The following CRTC1 variants were observed in gnomAD, a reference collection of about 807,000 sequenced individuals.
The protein encoded by CRTC1 is CREB-regulated transcription coactivator 1.
In CRTC1, 18 loss-of-function variants were observed where a neutral mutation model predicts 66.1. That is an observed-to-expected ratio of 0.27 (90% CI 0.19 to 0.40). CRTC1 has a LOEUF of 0.40. Among genes scored for constraint, CRTC1 ranks in the 10% least tolerant of loss-of-function variants. CRTC1 has a pLI of 1.00. For synonymous variants in CRTC1, 416 were observed against 398.8 expected (o/e 1.04, Z -0.51); for missense variants, 669 against 887.9 (o/e 0.75, Z 3.13).
chr19:18,775,265 C>T (rs746746822), intron 12 of CRTC1, among the ~76,000 whole-genome samples: 1 of 152,242 alleles, frequency 6.6e-6, no homozygotes, highest in Admixed American at 6.5e-5. Context: ...CAGCAAACGC[C>T]GGGCCAGACA....
At chr19:18,729,260 C>T (rs1163060972) in intron 1 of CRTC1, among the ~76,000 whole-genome samples, 1 of 150,336 alleles carries the variant, frequency 6.7e-6, no homozygotes, top group African/African-American at 2.4e-5. Context: ...CCTGTCTCTA[C>T]TAAAAATACA....
intron 1 of CRTC1, among the ~76,000 whole-genome samples, chr19:18,692,613 AAAAAG>A (rs2052870603): frequency 6.6e-6 from 1 of 151,568 alleles, no homozygotes; most frequent in African/African-American, 2.4e-5. Context: ...AAAAAAAAAA[AAAAAG>A]AAGTGGTTAG....
intron 1 of CRTC1, among the ~76,000 whole-genome samples, chr19:18,723,514 G>A (rs2053675025): frequency 6.6e-6 from 1 of 152,230 alleles, no homozygotes; most frequent in African/African-American, 2.4e-5. Context: ...GAGGTGCGGA[G>A]CCACGTGGTG....
At chr19:18,734,529 A>AG (rs944599123) in intron 1 of CRTC1, among the ~76,000 whole-genome samples, 10 of 151,098 alleles carry the variant, frequency 6.6e-5, no homozygotes, top group African/African-American at 2.4e-4. Context: ...ACAGAAAGAA[A>AG]AAAAAAAAAA....
chr19:18,778,138 G>A lies in CRTC1; in HGVS notation c.*756G>A, dbSNP rs2055036074. On this transcript the variant is annotated 3_prime_UTR_variant, in exon 14 of 14. Coordinates refer to ENST00000321949, the MANE Select transcript of CRTC1 (RefSeq NM_015321.3). ...ACCTTTGCCGGGAAGTGACCGGAAG[G>A]CCCCGTGAGGGGTCGAACGCGGAGG... The A allele has an allele frequency of 8.6e-6, 2 of 232,882 alleles. No individual in the cohort carries two copies. Among genetic ancestry groups the A allele is most frequent in the Non-Finnish European group, 1.7e-5 (2 of 117,946 alleles). 14.4% of individuals were successfully genotyped at this position (232,882 alleles called of 1,614,324 possible).
At chr19:18,702,539 T>C (rs2145541569) in intron 1 of CRTC1, among the ~76,000 whole-genome samples, 1 of 151,032 alleles carries the variant, frequency 6.6e-6, no homozygotes, top group South Asian at 2.1e-4. Flanking sequence ...TAGTCTTTTT[T>C]TTTTTTTTTT....
chr19:18,752,104 G>A (rs2054375614), intron 5 of CRTC1, among the ~76,000 whole-genome samples: 1 of 150,574 alleles, frequency 6.6e-6, no homozygotes, highest in African/African-American at 2.4e-5. Flanking sequence ...AGTGAGCCAA[G>A]GTGCCACTGC....
In CRTC1 at chr19:18,760,294, G is replaced by C; in HGVS notation, c.886+66G>C. 1 of 1,323,690 alleles carries C rather than the reference G, an allele frequency of 7.6e-7. No homozygotes were observed. The allele number at this position is 1,323,690 out of a possible 1,614,324, so 82.0% of individuals were successfully genotyped here. On this transcript the variant is annotated intron_variant, in intron 8 of 13. Transcript: ENST00000321949. The surrounding 1 kb of genome is among the most constrained non-coding windows in gnomAD (Gnocchi z 6.2). ...TGTGGAGACAACACGGGCATCTGCA[G>C]GATGACTTGGCAGAGTCCCGTTCCA...
Position 18,777,419 on chromosome 19 carries a change from A to G in CRTC1, c.*37A>G. On this transcript the variant is annotated 3_prime_UTR_variant, in exon 14 of 14. Coordinates refer to ENST00000321949, the MANE Select transcript of CRTC1 (RefSeq NM_015321.3). This position sits in a 1 kb window ranked among gnomAD's most constrained non-coding sequence, Gnocchi z 5.5. ...GGCACCCTGCCGCTCAGCCGTCCCG[A>G]CGGCGCCTCCCCAGCCCGGGGACGG... 1.9e-6 allele frequency: 3 copies of G among 1,574,112 alleles called. No individual in the cohort carries two copies. The highest frequency in any genetic ancestry group is 2.6e-6 in the Non-Finnish European group (3 of 1,157,840).
intron 1 of CRTC1, among the ~76,000 whole-genome samples, chr19:18,714,202 C>T (rs772916072): frequency 2.6e-5 from 4 of 152,236 alleles, no homozygotes; most frequent in Non-Finnish European, 5.9e-5. Context: ...AGAATAGCTC[C>T]ATTTGCAGGA....
intron 1 of CRTC1, among the ~76,000 whole-genome samples, chr19:18,707,782 C>T (rs2053298696): frequency 6.6e-6 from 1 of 152,166 alleles, no homozygotes; most frequent in Non-Finnish European, 1.5e-5. Context: ...ATCACTTGAG[C>T]CCAGGAGTTC....
intron 1 of CRTC1, among the ~76,000 whole-genome samples, chr19:18,699,671 C>T (rs987653919): frequency 1.3e-5 from 2 of 152,206 alleles, no homozygotes; most frequent in African/African-American, 4.8e-5. Context: ...CCAGCTGGCC[C>T]TGCCCCTGAG....
rs994356776 is a variant in CRTC1 at position 18,779,946 on chromosome 19, C to A, written c.*2564C>A. The A allele has an allele frequency of 8.7e-6, 2 of 228,684 alleles. No individual in the cohort carries two copies. The highest frequency in any genetic ancestry group is 4.4e-5 in the African/African-American group (2 of 45,046). 14.2% of individuals were successfully genotyped at this position (228,684 alleles called of 1,614,324 possible). A position where few individuals can be genotyped will look rare whatever the true frequency, so the allele number is the denominator to read the frequency against. ...GATTCACGCCCCTCCTGGACCTGGGCGGGCCTCCCAGGGGGTCTGTATCAC... is the reference window on the plus strand; with the variant it reads ...GATTCACGCCCCTCCTGGACCTGGGAGGGCCTCCCAGGGGGTCTGTATCAC... On this transcript the variant is annotated 3_prime_UTR_variant, in exon 14 of 14. Transcript: ENST00000321949.
At chr19:18,698,856 A>G (rs1361420145) in intron 1 of CRTC1, among the ~76,000 whole-genome samples, 3 of 150,200 alleles carry the variant, frequency 2.0e-5, no homozygotes, top group Admixed American at 6.6e-5. Context: ...TTGGTTGCTG[A>G]GCAAGTGCAC....
In CRTC1 at chr19:18,782,196, GGCGGCCGCA is replaced by G. The variant is rs1441794839; in HGVS notation, c.*4819_*4827del. ...GGACGTCCCGTGGGCCATGATTGTGGGCGGCCGCAGCGGGCGGGGGCAGGCGGCTCAGGG... is the reference window on the plus strand; with the variant it reads ...GGACGTCCCGTGGGCCATGATTGTGGGCGGGCGGGGGCAGGCGGCTCAGGG... On this transcript the variant is annotated 3_prime_UTR_variant, in exon 14 of 14. Coordinates refer to ENST00000321949, the MANE Select transcript of CRTC1 (RefSeq NM_015321.3). 7 of 229,824 alleles carry G rather than the reference GGCGGCCGCA, an allele frequency of 3.0e-5. No individual in the cohort carries two copies. Among genetic ancestry groups the G allele is most frequent in the Non-Finnish European group, 2.6e-5 (3 of 115,912 alleles). 14.2% of individuals were successfully genotyped at this position (229,824 alleles called of 1,614,324 possible).
At position 18,717,826 on chromosome 19, in the gene CRTC1, G is replaced by A. The variant is rs557884417; in HGVS notation, c.127-25084G>A. ...CAAGGCAGCAGTGGTTTCCAGACAC[G>A]GGGGTGCGTGTGTGAGGCAGGAACA... On this transcript the variant is annotated intron_variant, in intron 1 of 13. Coordinates refer to ENST00000321949, the MANE Select transcript of CRTC1 (RefSeq NM_015321.3). Among the ~76,000 whole-genome samples, 5 of 152,206 alleles carry A rather than the reference G, an allele frequency of 3.3e-5. No individual in the cohort carries two copies. The South Asian group carries it at 8.3e-4, about 25-fold the overall frequency.
rs1280470224 is a variant in CRTC1, at chr19:18,775,745, C to T, written c.1617C>T (p.Gly539=). 6.2e-7 allele frequency: 1 copy of T among 1,612,430 alleles called. No individual in the cohort carries two copies. The highest frequency in any genetic ancestry group is 8.5e-7 in the Non-Finnish European group (1 of 1,179,730). ...YSQAAMMGLT[G]SHGSLPDSQQ... ...AGGCGGCCATGATGGGCCTCACGGG[C>T]AGCCACGGGAGCCTGCCGGACTCGC... is the stretch of plus-strand genomic sequence containing the variant. Residue 539 remains glycine (G), a synonymous_variant, in exon 13 of 14, where the codon GGC becomes GGT. Transcript: ENST00000321949.
chr19:18,736,960 G>C (rs1006349804), intron 1 of CRTC1, among the ~76,000 whole-genome samples: 2 of 152,192 alleles, frequency 1.3e-5, no homozygotes, highest in East Asian at 3.9e-4. Flanking sequence ...CCCTGTGCAG[G>C]ATTCCTGGGA....
chr19:18,734,170 G>C lies in CRTC1; in HGVS notation c.127-8740G>C, dbSNP rs188275767. 5.5e-3 allele frequency among the ~76,000 whole-genome samples: 831 copies of C among 152,110 alleles called. 6 individuals carry two copies. Among genetic ancestry groups the C allele is most frequent in the African/African-American group, 0.019 (784 of 41,466 alleles). On this transcript the variant is annotated intron_variant, in intron 1 of 13. Transcript: ENST00000321949. ...AACGGATTAGTGGCTGCCAGGGGCT[G>C]GGGGAGGGGAATGGGGAGTGACTGC...
Sources: allele counts gnomAD v4.1 joint callset (sites outside exome capture counted in the v4.1 genomes callset), GRCh38; gene constraint gnomAD v4.1.1; non-coding constraint Gnocchi (gnomAD v3.1); transcripts MANE v1.5; gene names NCBI Gene and HGNC (gene_info 2026-07-23, HGNC 2026-07-21).